Variants in COL14A1 observed in about 807,000 individuals in gnomAD.
The protein encoded by COL14A1 is collagen alpha-1(XIV) chain.
A neutral mutation model predicts 230.3 loss-of-function variants in COL14A1; 136 were observed. That is an observed-to-expected ratio of 0.59 (90% CI 0.51 to 0.68). The LOEUF is 0.68. COL14A1 is among the 30% of genes least tolerant of loss of function. COL14A1 has a pLI of 0.00. For synonymous variants in COL14A1, 792 were observed against 784.1 expected, an observed-to-expected ratio of 1.01 and a Z score of -0.17; for missense variants, 1,976 against 2,215.8, an observed-to-expected ratio of 0.89 and a Z score of 2.17.
intron 36 of COL14A1, among the ~76,000 whole-genome samples, chr8:120,306,790 G>A (rs7830625): frequency 0.54 from 82,148 of 152,040 alleles, 23,997 homozygotes; most frequent in African/African-American, 0.79. Context: ...TATCTGTGAG[G>A]TAAACAGTCT....
At chr8:120,141,063 C>T (rs1163614183) in intron 1 of COL14A1, among the ~76,000 whole-genome samples, 4 of 152,154 alleles carry the variant, frequency 2.6e-5, no homozygotes, top group African/African-American at 9.7e-5. Context: ...AAAGTTTTAA[C>T]AAATTAGGTT....
intron 44 of COL14A1, among the ~76,000 whole-genome samples, chr8:120,344,682 A>G: frequency 6.6e-6 from 1 of 152,254 alleles, no homozygotes; most frequent in East Asian, 1.9e-4. Flanking sequence ...TGGATAAATA[A>G]CAGTAAACTA....
intron 21 of COL14A1, 111 bp from the exon 22 acceptor site, chr8:120,250,506 T>C: frequency 1.8e-6 from 2 of 1,141,800 alleles, no homozygotes; most frequent in Admixed American, 2.0e-5. Flanking sequence ...GTCTGCTTGC[T>C]GTATAATCCC....
Position 120,193,138 on chromosome 8 carries a change from C to A in COL14A1, c.437-3653C>A, listed in dbSNP as rs533914390. Among the ~76,000 whole-genome samples the A allele has an allele frequency of 2.8e-4, 43 of 152,298 alleles. No homozygotes were observed. The South Asian group carries it at 8.5e-3, about 30-fold the overall frequency. On this transcript the variant is annotated intron_variant, in intron 5 of 47. Transcript: ENST00000297848. ...ATAGGCGCTCTGCTTTTTAGAGTTT[C>A]CAGTTTTTCTGCTCTGTTTTTTCCC... is the stretch of plus-strand genomic sequence containing the variant.
intron 9 of COL14A1, among the ~76,000 whole-genome samples, 183 bp downstream of exon 9, chr8:120,204,053 G>T (rs894122929): frequency 6.6e-6 from 1 of 151,978 alleles, no homozygotes; most frequent in Admixed American, 6.6e-5. Flanking sequence ...GTGAAGGAGG[G>T]ACTCTTTAAA....
At chr8:120,302,649 A>G (rs73329070) in intron 36 of COL14A1, among the ~76,000 whole-genome samples, 4,634 of 152,232 alleles carry the variant, frequency 0.03, 224 homozygotes, top group African/African-American at 0.1. Context: ...ATAGCCCTAT[A>G]GTATAGTTTG....
At chr8:120,189,053 A>G (rs1022115965) in intron 5 of COL14A1, among the ~76,000 whole-genome samples, 1 of 152,232 alleles carries the variant, frequency 6.6e-6, no homozygotes, top group Non-Finnish European at 1.5e-5. Context: ...GCTCCTGCTT[A>G]TAGTAAGACA....
At chr8:120,182,841 C>T (rs1816508116) in intron 5 of COL14A1, among the ~76,000 whole-genome samples, 2 of 150,510 alleles carry the variant, frequency 1.3e-5, no homozygotes, top group Admixed American at 1.3e-4. Context: ...ATTCTCATGC[C>T]TCAGTCTCCC....
At chr8:120,184,430 T>G (rs945473642) in intron 5 of COL14A1, among the ~76,000 whole-genome samples, 8 of 151,908 alleles carry the variant, frequency 5.3e-5, no homozygotes, top group Non-Finnish European at 1.0e-4. Context: ...AATTTTTGTA[T>G]TTTTAGTAGA....
intron 14 of COL14A1, among the ~76,000 whole-genome samples, chr8:120,221,820 C>T (rs1409037899): frequency 2.6e-5 from 4 of 152,098 alleles, no homozygotes; most frequent in Non-Finnish European, 4.4e-5. Flanking sequence ...TGTAAAAGCA[C>T]CTAGTGTTTG....
At chr8:120,167,077 T>C (rs1312929413) in intron 4 of COL14A1, among the ~76,000 whole-genome samples, 5 of 152,070 alleles carry the variant, frequency 3.3e-5, no homozygotes, top group Non-Finnish European at 7.4e-5. Flanking sequence ...AATTTTGTTT[T>C]ATATCCTGGA....
intron 45 of COL14A1, among the ~76,000 whole-genome samples, chr8:120,362,375 C>T (rs888798745): frequency 2.6e-5 from 4 of 152,192 alleles, no homozygotes; most frequent in African/African-American, 9.7e-5. Context: ...AGTGCTGATA[C>T]ACTCTCAGGC....
chr8:120,173,660 AT>A (rs1816172333), intron 5 of COL14A1, among the ~76,000 whole-genome samples: 4 of 150,256 alleles, frequency 2.7e-5, no homozygotes, highest in Non-Finnish European at 4.4e-5. Flanking sequence ...CTATCTATCT[AT>A]CTATCTATCT....
chr8:120,243,771 C>A, intron 19 of COL14A1, 108 bp from the exon 20 acceptor site: 1 of 1,305,784 alleles, frequency 7.7e-7, no homozygotes, highest in Non-Finnish European at 1.1e-6. Context: ...ACTCTCAAAG[C>A]ACATCTCTTT....
intron 37 of COL14A1, among the ~76,000 whole-genome samples, chr8:120,310,886 A>C (rs1036840745): frequency 6.6e-6 from 1 of 152,148 alleles, no homozygotes; most frequent in Non-Finnish European, 1.5e-5. Context: ...GCCCTTTGTA[A>C]CTTGACTCCC....
At position 120,208,247 on chromosome 8, in the gene COL14A1, A is replaced by G; in HGVS notation, c.1207A>G (p.Thr403Ala). The change falls in exon 11 of 48, where the codon ACT (threonine) becomes GCT (alanine). Residue 403 changes from threonine (T) to alanine (A), a missense_variant. By Grantham distance (58) the Thr-to-Ala change is moderately conservative. Around this residue, in one of 3 missense-constraint regions of COL14A1, gnomAD observed 1,791 missense variants for 2,019.5 expected, o/e 0.89. Transcript: ENST00000297848. Reference protein sequence around the residue: ...GKPDEVVVDGTVSSTVLKNLM... With the variant: ...GKPDEVVVDGAVSSTVLKNLM... ...CTTTAAACAGGTGGTGGTAGATGGAACTGTATCTTCCACAGTGTTGAAAAA... is the reference window on the plus strand; with the variant it reads ...CTTTAAACAGGTGGTGGTAGATGGAGCTGTATCTTCCACAGTGTTGAAAAA... The G allele has an allele frequency of 6.2e-7, 1 of 1,612,176 alleles. No homozygotes were observed. Among genetic ancestry groups the G allele is most frequent in the African/African-American group, 1.3e-5 (1 of 75,034 alleles).
intron 5 of COL14A1, among the ~76,000 whole-genome samples, chr8:120,178,390 T>C (rs562123633): frequency 1.3e-5 from 2 of 152,340 alleles, no homozygotes; most frequent in African/African-American, 4.8e-5. Context: ...TCCATGTCCC[T>C]GCAAAGGACA....
At position 120,132,032 on chromosome 8, in the gene COL14A1, T is replaced by G. The variant is rs187694679; in HGVS notation, c.-38+6692T>G. ...CCCAGATAATTTTTTATATTTTTAG[T>G]AGAGATGAGGTTTCACTGTGTTAGC... On this transcript the variant is annotated intron_variant, in intron 1 of 47. Coordinates refer to ENST00000297848, the MANE Select transcript of COL14A1 (RefSeq NM_021110.4). Among the ~76,000 whole-genome samples the G allele has an allele frequency of 2.0e-5, 3 of 151,930 alleles. No individual in the cohort carries two copies. The East Asian group carries it at 5.8e-4, about 29-fold the overall frequency.
intron 45 of COL14A1, among the ~76,000 whole-genome samples, chr8:120,348,849 C>A (rs1822637003): frequency 6.6e-6 from 1 of 152,178 alleles, no homozygotes; most frequent in Admixed American, 6.5e-5. Context: ...TGCATGCATG[C>A]AAATGTATAT....
Sources: gnomAD v4.1 joint callset for allele counts (sites outside exome capture counted in the v4.1 genomes callset) on GRCh38, gnomAD v4.1.1 for gene constraint, gnomAD v4.1.1 regional missense constraint, MANE v1.5 for transcripts, NCBI Gene and HGNC (gene_info 2026-07-23, HGNC 2026-07-21) for gene names.